The following MARCHF1 variants were observed in gnomAD, a reference collection of about 807,000 sequenced individuals.
MARCHF1 encodes E3 ubiquitin-protein ligase MARCHF1.
In MARCHF1, 40 loss-of-function variants were observed where a neutral mutation model predicts 54.2. The ratio of observed to expected loss-of-function variants is 0.74; its 90% confidence interval spans 0.57 to 0.96. The LOEUF is 0.96. Ranked by LOEUF, MARCHF1 falls within the 40% of genes least tolerant of loss-of-function variation. The probability of loss-of-function intolerance (pLI) is 0.00; values close to 1 mark genes in which losing one functional copy is unlikely to be tolerated. For missense variants in MARCHF1, 586 were observed against 656.5 expected, an observed-to-expected ratio of 0.89 and a Z score of 1.17; for synonymous variants, 236 against 236.3, an observed-to-expected ratio of 1.00 and a Z score of 0.01.
chr4:164,245,534 T>A (rs937715009), intron 1 of MARCHF1, among the ~76,000 whole-genome samples: 2 of 151,782 alleles, frequency 1.3e-5, no homozygotes, highest in African/African-American at 4.8e-5. Context: ...CTTTGAAAAC[T>A]GGCACAAGAC....
chr4:164,026,347 C>G (rs920218318), intron 2 of MARCHF1, among the ~76,000 whole-genome samples: 7 of 152,072 alleles, frequency 4.6e-5, no homozygotes, highest in African/African-American at 1.7e-4. Flanking sequence ...AAAATATTAA[C>G]AAACAAAATC....
In MARCHF1 at chr4:164,173,675, T is replaced by C. The variant is rs1430992; in HGVS notation, c.-322-62013A>G. ...GCCGGTTGTTTAAATGAACCTTGCA[T>C]GTCCTCCCCTTTCTCTTGCTCCCTC... On this transcript the variant is annotated intron_variant, in intron 1 of 9. Transcript: ENST00000514618. Among the ~76,000 whole-genome samples the C allele has an allele frequency of 2.8e-3, 419 of 152,270 alleles. 3 individuals are homozygous for C. The highest frequency in any genetic ancestry group is 9.7e-3 in the African/African-American group (404 of 41,538).
rs75790541 is a variant in MARCHF1 at position 164,024,660 on chromosome 4, C to T, written c.-247-35951G>A. ...CACTTAAGTATATACCCCACAGACA[C>T]TATAAAGCAACTACATAATCAAGTC... On this transcript the variant is annotated intron_variant, in intron 2 of 9. Coordinates refer to ENST00000514618, the MANE Select transcript of MARCHF1 (RefSeq NM_001394959.1). 9.8e-3 allele frequency among the ~76,000 whole-genome samples: 1,489 copies of T among 152,200 alleles called. 18 individuals carry two copies. The highest frequency in any genetic ancestry group is 0.033 in the African/African-American group (1,365 of 41,514).
intron 2 of MARCHF1, among the ~76,000 whole-genome samples, chr4:164,052,395 G>T (rs1754392670): frequency 6.6e-6 from 1 of 152,012 alleles, no homozygotes; most frequent in Non-Finnish European, 1.5e-5. Flanking sequence ...AGCTGGGCGT[G>T]GTGGCAGGTG....
chr4:163,981,933 A>G (rs944253864), intron 3 of MARCHF1, among the ~76,000 whole-genome samples: 1 of 152,192 alleles, frequency 6.6e-6, no homozygotes, highest in African/African-American at 2.4e-5. Context: ...TCAACAATCT[A>G]CCTGCCTAAT....
intron 2 of MARCHF1, among the ~76,000 whole-genome samples, chr4:164,052,639 G>C (rs1465915098): frequency 6.6e-6 from 1 of 152,138 alleles, no homozygotes; most frequent in Non-Finnish European, 1.5e-5. Context: ...CTCTGACACA[G>C]ACGTACTGTT....
intron 1 of MARCHF1, among the ~76,000 whole-genome samples, chr4:164,332,982 T>C (rs1252730407): frequency 6.6e-6 from 1 of 152,124 alleles, no homozygotes; most frequent in Non-Finnish European, 1.5e-5. Flanking sequence ...ATTATGGTAT[T>C]GTTCAATTGT....
chr4:163,780,825 C>CA (rs1747444091), intron 4 of MARCHF1, among the ~76,000 whole-genome samples: 1 of 152,114 alleles, frequency 6.6e-6, no homozygotes, highest in Non-Finnish European at 1.5e-5. Flanking sequence ...TGCATACGCC[C>CA]ACAGCAGTGT....
chr4:164,149,828 A>G (rs151212150), intron 1 of MARCHF1, among the ~76,000 whole-genome samples: 10 of 152,168 alleles, frequency 6.6e-5, no homozygotes, highest in African/African-American at 2.4e-4. Context: ...ATGTCTGGAT[A>G]TTTCATAAAT....
chr4:163,705,523 A>T (rs915737297), intron 4 of MARCHF1, among the ~76,000 whole-genome samples: 2 of 151,946 alleles, frequency 1.3e-5, no homozygotes, highest in African/African-American at 4.8e-5. Context: ...GGTTTTAAAA[A>T]CTCAGGACAC....
At chr4:163,892,821 TG>T (rs1750690682) in intron 3 of MARCHF1, among the ~76,000 whole-genome samples, 1 of 152,064 alleles carries the variant, frequency 6.6e-6, no homozygotes, top group Non-Finnish European at 1.5e-5. Context: ...TTATAGATGC[TG>T]ACATAGACAA....
At chr4:163,870,768 T>C (rs1301685264) in intron 3 of MARCHF1, among the ~76,000 whole-genome samples, 2 of 152,068 alleles carry the variant, frequency 1.3e-5, no homozygotes, top group Non-Finnish European at 2.9e-5. Flanking sequence ...CTCACTCATA[T>C]GTGAAAGTTA....
chr4:164,336,797 C>CTA (rs1390974902), intron 1 of MARCHF1, among the ~76,000 whole-genome samples: 1 of 152,106 alleles, frequency 6.6e-6, no homozygotes, highest in African/African-American at 2.4e-5. Flanking sequence ...AAAGAAGCAC[C>CTA]AATAGGGCTG....
intron 2 of MARCHF1, among the ~76,000 whole-genome samples, chr4:164,035,691 T>C (rs936931214): frequency 2.0e-5 from 3 of 148,730 alleles, no homozygotes; most frequent in Non-Finnish European, 3.0e-5. Context: ...AAAAAATAAA[T>C]GTTTTTAATA....
chr4:164,165,550 A>T (rs189445061), intron 1 of MARCHF1, among the ~76,000 whole-genome samples: 5 of 152,092 alleles, frequency 3.3e-5, no homozygotes, highest in Non-Finnish European at 7.4e-5. Context: ...TAAGCCGCCC[A>T]ATCTACAGCA....
At chr4:164,047,092 C>A (rs1273024930) in intron 2 of MARCHF1, among the ~76,000 whole-genome samples, 1 of 152,108 alleles carries the variant, frequency 6.6e-6, no homozygotes, top group Non-Finnish European at 1.5e-5. Context: ...ACAAAATTTG[C>A]TAAGGATATA....
intron 2 of MARCHF1, among the ~76,000 whole-genome samples, chr4:164,029,719 C>A (rs996501004): frequency 6.6e-6 from 1 of 152,102 alleles, no homozygotes; most frequent in African/African-American, 2.4e-5. Context: ...CTCAGCCTCC[C>A]AAGTAGCTGA....
At chr4:164,349,213 T>C (rs1256118868) in intron 1 of MARCHF1, among the ~76,000 whole-genome samples, 2 of 152,216 alleles carry the variant, frequency 1.3e-5, no homozygotes, top group Non-Finnish European at 2.9e-5. Context: ...GTAATGTATA[T>C]CCTCTTAAAA....
At chr4:164,184,811 T>G (rs573067479) in intron 1 of MARCHF1, among the ~76,000 whole-genome samples, 1 of 152,314 alleles carries the variant, frequency 6.6e-6, no homozygotes, top group East Asian at 1.9e-4. Context: ...TCCAAGATTC[T>G]GAGTGATTAT....
Sources: gnomAD v4.1 joint callset for allele counts (sites outside exome capture counted in the v4.1 genomes callset) on GRCh38, gnomAD v4.1.1 for gene constraint, MANE v1.5 for transcripts, NCBI Gene and HGNC (gene_info 2026-07-23, HGNC 2026-07-21) for gene names.